Variants in ADAMTS12 observed in about 807,000 individuals in gnomAD.
The protein encoded by ADAMTS12 is ADAM metallopeptidase with thrombospondin type 1 motif 12.
In ADAMTS12, 118 loss-of-function variants were observed where a neutral mutation model predicts 167.8. The ratio of observed to expected loss-of-function variants is 0.70; its 90% CI spans 0.61 to 0.82. ADAMTS12 has a LOEUF of 0.82. ADAMTS12 is among the 40% of genes least tolerant of loss of function. The probability of loss-of-function intolerance (pLI) is 0.00; values close to 1 mark genes in which losing one functional copy is unlikely to be tolerated. For synonymous variants in ADAMTS12, 704 were observed against 716.9 expected, an observed-to-expected ratio of 0.98 and a Z score of 0.29; for missense variants, 1,916 against 1,998.8, an observed-to-expected ratio of 0.96 and a Z score of 0.79.
chr5:33,529,355 G>A (rs1356643040), intron 23 of ADAMTS12, among the ~76,000 whole-genome samples: 2 of 152,034 alleles, frequency 1.3e-5, no homozygotes, highest in African/African-American at 4.8e-5. Context: ...AGATGGCACT[G>A]GCCTACACGT....
At chr5:33,813,194 TATA>T (rs1747526717) in intron 2 of ADAMTS12, among the ~76,000 whole-genome samples, 1 of 152,222 alleles carries the variant, frequency 6.6e-6, no homozygotes, top group Non-Finnish European at 1.5e-5. Context: ...TTAAAGAGTC[TATA>T]TTGCTCTGCA....
chr5:33,692,434 A>C (rs1349405031), intron 3 of ADAMTS12, among the ~76,000 whole-genome samples: 1 of 152,230 alleles, frequency 6.6e-6, no homozygotes, highest in Non-Finnish European at 1.5e-5. Flanking sequence ...TATGTGAGAA[A>C]AATAAAAGTA....
chr5:33,619,640 C>T (rs542439320), intron 14 of ADAMTS12, among the ~76,000 whole-genome samples: 42 of 152,180 alleles, frequency 2.8e-4, no homozygotes, highest in Non-Finnish European at 5.1e-4. Context: ...TTTAAGTTGT[C>T]ATATAATAAC....
At chr5:33,812,038 C>T (rs1388565353) in intron 2 of ADAMTS12, among the ~76,000 whole-genome samples, 3 of 152,172 alleles carry the variant, frequency 2.0e-5, no homozygotes, top group African/African-American at 7.2e-5. Flanking sequence ...ATAATCCCAG[C>T]ACTTTGGGAG....
At chr5:33,804,988 CAAACA>C (rs2112478190) in intron 2 of ADAMTS12, among the ~76,000 whole-genome samples, 2 of 152,302 alleles carry the variant, frequency 1.3e-5, no homozygotes, top group East Asian at 3.9e-4. Flanking sequence ...GCACCCCTGA[CAAACA>C]AACAATGTCT....
chr5:33,791,894 G>C (rs1456540155), intron 2 of ADAMTS12, among the ~76,000 whole-genome samples: 1 of 151,132 alleles, frequency 6.6e-6, no homozygotes, highest in Non-Finnish European at 1.5e-5. Context: ...CTGTTAGGCT[G>C]CATTGACCCT....
intron 19 of ADAMTS12, among the ~76,000 whole-genome samples, chr5:33,561,801 A>G (rs569906610): frequency 1.3e-5 from 2 of 152,304 alleles, no homozygotes; most frequent in East Asian, 1.9e-4. Flanking sequence ...AACATTAATT[A>G]TCTTGGCATG....
intron 3 of ADAMTS12, among the ~76,000 whole-genome samples, chr5:33,713,419 G>C (rs11738025): frequency 0.61 from 92,883 of 151,988 alleles, 29,574 homozygotes; most frequent in Non-Finnish European, 0.69. Flanking sequence ...GTTTTAACAA[G>C]AGCTTTTAAA....
intron 2 of ADAMTS12, among the ~76,000 whole-genome samples, chr5:33,879,749 T>TA (rs761853795): frequency 1.2e-4 from 19 of 152,176 alleles, no homozygotes; most frequent in Admixed American, 9.2e-4. Flanking sequence ...CTGGAAAACT[T>TA]AAACTGCTGG....
rs78796307 is a variant in ADAMTS12 at position 33,888,769 on chromosome 5, T to C, written c.127+2961A>G. 7.5e-3 allele frequency among the ~76,000 whole-genome samples: 1,142 copies of C among 152,316 alleles called. 12 individuals carry two copies. Among genetic ancestry groups the C allele is most frequent in the African/African-American group, 0.026 (1,093 of 41,560 alleles). ...GATTGGCTGTAGAAGACACGCAGCA[T>C]GTTGTGTGCAAGATTAATATTTCCC... On this transcript the variant is annotated intron_variant, in intron 1 of 23. Coordinates refer to ENST00000504830, the MANE Select transcript of ADAMTS12 (RefSeq NM_030955.4).
intron 2 of ADAMTS12, among the ~76,000 whole-genome samples, chr5:33,867,821 T>C (rs1749882436): frequency 6.6e-6 from 1 of 152,186 alleles, no homozygotes; most frequent in Non-Finnish European, 1.5e-5. Context: ...ATATTAAGTT[T>C]GATATGGTTT....
chr5:33,571,001 G>C (rs1243558028), intron 19 of ADAMTS12, among the ~76,000 whole-genome samples: 1 of 151,558 alleles, frequency 6.6e-6, no homozygotes, highest in African/African-American at 2.4e-5. Context: ...GACAAAGAAG[G>C]CCATTACATA....
At chr5:33,674,795 C>A (rs545430302) in intron 5 of ADAMTS12, among the ~76,000 whole-genome samples, 4 of 152,272 alleles carry the variant, frequency 2.6e-5, no homozygotes, top group Non-Finnish European at 4.4e-5. Flanking sequence ...AAAAGCATGG[C>A]AGACTAACTT....
Position 33,658,824 on chromosome 5 carries a change from C to T in ADAMTS12, c.1041-491G>A, listed in dbSNP as rs1642162096. On this transcript the variant is annotated intron_variant, in intron 6 of 23. Transcript: ENST00000504830. ...CATCAACCTATCCAGAGATTTAATA[C>T]TTGTCTATCCAGCCCCATTCCACTA... Among the ~76,000 whole-genome samples, 4 of 152,160 alleles carry T rather than the reference C, an allele frequency of 2.6e-5. No individual in the cohort carries two copies. In the East Asian group the frequency reaches 5.8e-4, roughly 22 times the overall value.
chr5:33,665,401 C>CA (rs1741430154), intron 5 of ADAMTS12, among the ~76,000 whole-genome samples: 1 of 152,146 alleles, frequency 6.6e-6, no homozygotes, highest in Admixed American at 6.5e-5. Flanking sequence ...AGTCTCATTA[C>CA]AAAAAAGAAA....
At chr5:33,668,782 C>A (rs538992001) in intron 5 of ADAMTS12, among the ~76,000 whole-genome samples, 2 of 152,348 alleles carry the variant, frequency 1.3e-5, no homozygotes, top group Admixed American at 6.5e-5. Flanking sequence ...CCACACCCGG[C>A]CTCTGGAGGA....
intron 14 of ADAMTS12, among the ~76,000 whole-genome samples, chr5:33,623,115 C>A (rs911694893): frequency 6.6e-6 from 1 of 152,174 alleles, no homozygotes; most frequent in African/African-American, 2.4e-5. Context: ...TACTCAGTAA[C>A]TTCATCCTGG....
intron 7 of ADAMTS12, 118 bp downstream of exon 7, chr5:33,658,066 G>T: frequency 2.3e-6 from 3 of 1,295,702 alleles, no homozygotes; most frequent in Non-Finnish European, 3.2e-6. Context: ...TGAGTCACAA[G>T]CCACAGTATA....
At chr5:33,632,522 G>T (rs1739994379) in intron 12 of ADAMTS12, among the ~76,000 whole-genome samples, 1 of 152,182 alleles carries the variant, frequency 6.6e-6, no homozygotes, top group African/African-American at 2.4e-5. Flanking sequence ...CTCAAAATGA[G>T]TTGAAGAGAT....
Sources: gnomAD v4.1 joint callset for allele counts (sites outside exome capture counted in the v4.1 genomes callset) on GRCh38, gnomAD v4.1.1 for gene constraint, MANE v1.5 for transcripts, NCBI Gene and HGNC (gene_info 2026-07-23, HGNC 2026-07-21) for gene names.